Variants in URI1 observed in about 807,000 individuals in gnomAD.
URI1 encodes URI1 prefoldin like chaperone, also known as unconventional prefoldin RPB5 interactor 1.
URI1 carries 39 observed loss-of-function variants against 60.2 expected under a neutral mutation model. The ratio of observed to expected loss-of-function variants is 0.65; its 90% CI spans 0.50 to 0.85. The LOEUF (loss-of-function observed/expected upper bound fraction) is 0.85. Among genes scored for constraint, URI1 ranks in the 40% least tolerant of loss-of-function variants. The pLI is 0.00. For synonymous variants in URI1, 251 were observed against 236.8 expected, an observed-to-expected ratio of 1.06 and a Z score of -0.55; for missense variants, 691 against 665.9, an observed-to-expected ratio of 1.04 and a Z score of -0.42.
chr19:29,937,004 G>A (rs1451315461), intron 1 of URI1, among the ~76,000 whole-genome samples: 1 of 152,054 alleles, frequency 6.6e-6, no homozygotes, highest in Non-Finnish European at 1.5e-5. Context: ...CACCCTCCTC[G>A]GCCTCCCAAA....
At chr19:29,941,622 TAA>T (rs1436201029), upstream of URI1, among the ~76,000 whole-genome samples, 5 of 139,020 alleles carry the variant, frequency 3.6e-5, no homozygotes, top group Admixed American at 2.2e-4. Context: ...CTCAGTCTCT[TAA>T]AAAAAAAAAA....
intron 4 of URI1, 58 bp downstream of exon 4, chr19:29,986,475 C>A (rs73044839): frequency 1.9e-6 from 3 of 1,558,912 alleles, no homozygotes; most frequent in Non-Finnish European, 1.7e-6. Context: ...TCACAGATTG[C>A]CAAGCTGAAG....
chr19:29,926,676 G>A (rs958248056), intron 1 of URI1, among the ~76,000 whole-genome samples: 2 of 152,224 alleles, frequency 1.3e-5, no homozygotes, highest in African/African-American at 2.4e-5. Context: ...TTCTGCATAT[G>A]TGTTAAACTG....
At chr19:29,945,030 A>G (rs1409070019) in intron 1 of URI1, among the ~76,000 whole-genome samples, 1 of 152,262 alleles carries the variant, frequency 6.6e-6, no homozygotes, top group Non-Finnish European at 1.5e-5. Context: ...TAGTAGCTTC[A>G]TATGTGGCAC....
intron 4 of URI1, among the ~76,000 whole-genome samples, chr19:29,996,620 G>C (rs1290882796): frequency 6.6e-6 from 1 of 151,962 alleles, no homozygotes; most frequent in Admixed American, 6.6e-5. Flanking sequence ...AATTGCTCTA[G>C]CTAGAACTTC....
At chr19:29,935,684 A>C (rs1435781668) in intron 1 of URI1, among the ~76,000 whole-genome samples, 1 of 132,842 alleles carries the variant, frequency 7.5e-6, no homozygotes, top group African/African-American at 2.9e-5. Flanking sequence ...CTGGTAGGAA[A>C]TTCTTGGTTG....
intron 1 of URI1, among the ~76,000 whole-genome samples, chr19:29,949,541 T>C (rs1237985485): frequency 1.3e-5 from 2 of 152,078 alleles, no homozygotes; most frequent in Non-Finnish European, 2.9e-5. Flanking sequence ...CTCGGCACTT[T>C]GGGAGGTCAA....
At chr19:29,927,261 CT>C (rs5827680) in intron 1 of URI1, among the ~76,000 whole-genome samples, 88,594 of 124,758 alleles carry the variant, frequency 0.71, 31,411 homozygotes, top group Non-Finnish European at 0.79. Context: ...TTTCATCCCT[CT>C]TTTTTTTTTT....
At chr19:29,976,065 C>G (rs2055518938) in intron 2 of URI1, among the ~76,000 whole-genome samples, 2 of 152,100 alleles carry the variant, frequency 1.3e-5, no homozygotes, top group East Asian at 1.9e-4. Context: ...TGCTGTATGT[C>G]AGACATTTAA....
upstream of URI1, among the ~76,000 whole-genome samples, chr19:29,939,062 C>G (rs955507756): frequency 6.6e-6 from 1 of 150,938 alleles, no homozygotes; most frequent in Non-Finnish European, 1.5e-5. Flanking sequence ...ACTGCAACCT[C>G]CACTTCCAGG....
In URI1 at chr19:30,007,566, T is replaced by C. The variant is rs770552592; in HGVS notation, c.614T>C (p.Leu205Pro). ...AATGATGTGAAATCCAAGGATTTGC[T>C]AGCTGATAAAGAACTGTGGGCTCGA... ...IANDVKSKDL[L>P]ADKELWARLE... is the part of the protein sequence containing the mutation. Residue 205 changes from leucine (L) to proline (P), a missense_variant, in exon 7 of 11, where the codon CTA becomes CCA. Physicochemically the swap from Leu to Pro is moderately conservative, Grantham distance 98 (BLOSUM62 -3). Transcript: ENST00000392271. 4.3e-6 allele frequency: 7 copies of C among 1,613,328 alleles called. No individual in the cohort carries two copies. The African/African-American group carries it at 9.4e-5, about 22-fold the overall frequency.
At chr19:29,974,454 C>A (rs2055496423) in intron 2 of URI1, among the ~76,000 whole-genome samples, 1 of 152,106 alleles carries the variant, frequency 6.6e-6, no homozygotes, top group Non-Finnish European at 1.5e-5. Flanking sequence ...TGAAGAATTT[C>A]AAATGAAAGG....
At chr19:30,006,842 T>C (rs1168720056) in intron 6 of URI1, among the ~76,000 whole-genome samples, 1 of 152,104 alleles carries the variant, frequency 6.6e-6, no homozygotes, top group Non-Finnish European at 1.5e-5. Flanking sequence ...ACCTCTGAGT[T>C]CAGATTTGAC....
At chr19:29,964,855 G>GT (rs1184124643) in intron 1 of URI1, among the ~76,000 whole-genome samples, 5,502 of 136,656 alleles carry the variant, frequency 0.04, 166 homozygotes, top group African/African-American at 0.09. Context: ...ATATTTTCCT[G>GT]TTTTTTTTTT....
At position 29,942,273 on chromosome 19, in the gene URI1, C is replaced by G; in HGVS notation, c.-275C>G. 1.0e-6 allele frequency: 1 copy of G among 984,746 alleles called. No individual in the cohort carries two copies. Among genetic ancestry groups the G allele is most frequent in the Non-Finnish European group, 1.2e-6 (1 of 829,644 alleles). 61.0% of individuals were successfully genotyped at this position (984,746 alleles called of 1,614,324 possible). ...GGCGCGGCCGCCACGCGACGCCTGG[C>G]TGGGCCCGCACCGGAGAGGCGTCTC... On this transcript the variant is annotated 5_prime_UTR_variant, in exon 1 of 11. Coordinates refer to ENST00000392271, the MANE Select transcript of URI1 (RefSeq NM_003796.3).
intron 1 of URI1, among the ~76,000 whole-genome samples, chr19:29,928,270 G>C (rs1385419031): frequency 3.3e-5 from 5 of 152,116 alleles, no homozygotes; most frequent in Non-Finnish European, 7.3e-5. Flanking sequence ...GCTGTTTCGA[G>C]GAATCACTAG....
intron 1 of URI1, among the ~76,000 whole-genome samples, chr19:29,963,010 T>G (rs968991676): frequency 2.6e-5 from 4 of 152,240 alleles, no homozygotes; most frequent in Non-Finnish European, 5.9e-5. Flanking sequence ...GAATCTCCCC[T>G]GTGCCTCCTC....
chr19:30,005,408 G>A lies in URI1; in HGVS notation c.415G>A (p.Glu139Lys), dbSNP rs1568443910. Reference sequence around the variant, plus strand: ...CTTAAAAAAAGTGATGAAAAATTTTGAATCCAGAGTTGAATTCACAGAAGA... The same window carrying A: ...CTTAAAAAAAGTGATGAAAAATTTTAAATCCAGAGTTGAATTCACAGAAGA... The part of the protein sequence containing the change: ...DDLKKVMKNF[E>K]SRVEFTEDLQ... The change falls in exon 5 of 11, where the codon GAA (glutamate) becomes AAA (lysine). Residue 139 changes from glutamate (E) to lysine (K), a missense_variant. Glu to Lys is a moderately conservative substitution (Grantham distance 56, BLOSUM62 1). Transcript: ENST00000392271. 1.2e-6 allele frequency: 2 copies of A among 1,604,524 alleles called. No individual in the cohort carries two copies. The highest frequency in any genetic ancestry group is 1.7e-6 in the Non-Finnish European group (2 of 1,176,608).
At chr19:29,977,939 A>G (rs983980268) in intron 2 of URI1, among the ~76,000 whole-genome samples, 4 of 152,210 alleles carry the variant, frequency 2.6e-5, no homozygotes, top group Non-Finnish European at 5.9e-5. Context: ...AGAAAGGAAT[A>G]AAGATAAATT....
Sources: gnomAD v4.1 joint callset for allele counts (sites outside exome capture counted in the v4.1 genomes callset) on GRCh38, gnomAD v4.1.1 for gene constraint, MANE v1.5 for transcripts, NCBI Gene and HGNC (gene_info 2026-07-23, HGNC 2026-07-21) for gene names.